Variants in MAGIX observed in about 807,000 individuals in gnomAD.
The protein encoded by MAGIX is PDZ domain-containing protein MAGIX.
In MAGIX, 13 loss-of-function variants were observed where a neutral mutation model predicts 10.0. That is an observed-to-expected ratio of 1.30 (90% CI 0.84 to 2.06). The LOEUF (loss-of-function observed/expected upper bound fraction) is 2.06, where lower values mean the gene tolerates loss of function less well. Among genes scored for constraint, MAGIX ranks in the 30% most tolerant of loss-of-function variants. The probability of loss-of-function intolerance (pLI) is 0.00; values close to 1 mark genes in which losing one functional copy is unlikely to be tolerated. For synonymous variants in MAGIX, 108 were observed against 106.8 expected (o/e 1.01, Z -0.07); for missense variants, 235 against 245.2 (o/e 0.96, Z 0.28).
In MAGIX at chrX:49,164,482, C is replaced by T. The variant is rs782815645; in HGVS notation, c.-54-225C>T. ...TGGAAGATTATTCACATGGCTGAGC[C>T]CAGGATTGTTTATTAAGAAGGTGGG... is the stretch of plus-strand genomic sequence containing the variant. On this transcript the variant is annotated intron_variant, in intron 2 of 4. Transcript: ENST00000616266. The T allele has an allele frequency of 1.1e-4, 53 of 472,702 alleles. No individual in the cohort carries two copies. The South Asian group carries it at 1.5e-3, about 14-fold the overall frequency. The allele number at this position is 472,702 out of a possible 1,213,427, so 39.0% of individuals were successfully genotyped here.
In MAGIX at chrX:49,164,846, T is replaced by G. The variant is rs1473935203; in HGVS notation, c.86T>G (p.Leu29Arg). Reference sequence around the variant, plus strand: ...TGCCTCAGGGCAAACTATGTACACCTGTGTCCTTTATTCCAGCACCGTTGG... The same window carrying G: ...TGCCTCAGGGCAAACTATGTACACCGGTGTCCTTTATTCCAGCACCGTTGG... Residue 29 changes from leucine (L) to arginine (R), a missense_variant, in exon 3 of 5, where the codon CTG becomes CGG. By Grantham distance (102) the Leu-to-Arg change is moderately radical. Coordinates refer to ENST00000616266, the Ensembl canonical transcript of MAGIX. The G allele has an allele frequency of 8.3e-7, 1 of 1,211,158 alleles. No homozygotes were observed. The highest frequency in any genetic ancestry group is 1.1e-6 in the Non-Finnish European group (1 of 894,453).
exon 3 of MAGIX, chrX:49,165,082 C>T: frequency 8.3e-7 from 1 of 1,204,240 alleles, no homozygotes; most frequent in Non-Finnish European, 1.1e-6. Context: ...GCGCTGTGGT[C>T]GTTTGGAGGT....
intron 4 of MAGIX, 185 bp from the exon 6 acceptor site, chrX:49,165,889 G>C (rs2065362635): frequency 2.3e-6 from 1 of 441,509 alleles, no homozygotes; most frequent in African/African-American, 2.5e-5. Flanking sequence ...GGATCCAGGA[G>C]GGGAGGGGTC....
exon 4 of MAGIX, chrX:49,165,296 TTCG>T: frequency 5.1e-6 from 6 of 1,182,426 alleles, no homozygotes; most frequent in Non-Finnish European, 6.8e-6. Context: ...CACCTGGTTA[TTCG>T]TCGGCCTCTG....
intron 2 of MAGIX, 87 bp downstream of exon 2, chrX:49,164,016 C>T (rs1304831168): frequency 1.1e-6 from 1 of 910,173 alleles, no homozygotes; most frequent in Non-Finnish European, 1.4e-6. Flanking sequence ...TCAGCAGCTA[C>T]TGCCCTGTCT....
Position 49,165,299 on chromosome X carries a change from G to A in MAGIX, c.440G>A (p.Arg147His), listed in dbSNP as rs782441419. Residue 147 changes from arginine to histidine, a missense_variant, in exon 4 of 5, where the codon CGT (arginine) becomes CAT (histidine). Physicochemically the swap from Arg to His is conservative, Grantham distance 29. Coordinates refer to ENST00000616266, the Ensembl canonical transcript of MAGIX. ...GGCCCCCAGCTCCACCTGGTTATTC[G>A]TCGGCCTCTGGAGACCCACCCTGGC... 7.6e-5 allele frequency: 90 copies of A among 1,180,843 alleles called. No homozygotes were observed. The highest frequency in any genetic ancestry group is 2.8e-4 in the East Asian group (9 of 31,984).
chrX:49,164,769 A>G, exon 3 of MAGIX: 3 of 1,211,498 alleles, frequency 2.5e-6, no homozygotes, highest in Non-Finnish European at 3.4e-6. Flanking sequence ...TCATGCCACT[A>G]TTGTGGATCA....
rs2065368566 is a variant in MAGIX at position 49,166,379 on chromosome X, G to C, written c.808G>C (p.Ala270Pro). The stretch of plus-strand genomic sequence containing the variant: ...AGCGCAGCTCGCTCAGGAGATGGCA[G>C]CCGGAAGGCGGAGACACTGAGCCTA... Residue 270 changes from alanine to proline, a missense_variant, in exon 5 of 5, where the codon GCC (alanine) becomes CCC (proline). Coordinates refer to ENST00000616266, the Ensembl canonical transcript of MAGIX. The C allele has an allele frequency of 2.6e-6, 3 of 1,140,686 alleles. No homozygotes were observed. The African/African-American group carries it at 5.4e-5, about 21-fold the overall frequency. The allele number at this position is 1,140,686 out of a possible 1,213,427, so 94.0% of individuals were successfully genotyped here. A position where few individuals can be genotyped will look rare whatever the true frequency, so the allele number is the denominator to read the frequency against.
chrX:49,163,875 G>A (rs2065346793), exon 2 of MAGIX: 2 of 1,034,939 alleles, frequency 1.9e-6, no homozygotes, highest in South Asian at 3.0e-5. Flanking sequence ...TGCGGTCGAC[G>A]TGGCAGCGCT....
At chrX:49,168,066 T>A (rs782297296) in exon 5 of MAGIX, 28 of 112,069 alleles carry the variant, frequency 2.5e-4, no homozygotes, top group African/African-American at 8.7e-4. Flanking sequence ...TGTTGCACTG[T>A]GCTAGGTACT....
At chrX:49,168,423 G>T (rs1307394016) in exon 5 of MAGIX, 1 of 87,211 alleles carries the variant, frequency 1.1e-5, no homozygotes, top group Non-Finnish European at 2.1e-5. Flanking sequence ...AGCCAAGATC[G>T]CACCACTGCA....
chrX:49,165,980 G>T lies in MAGIX; in HGVS notation c.503-94G>T. 3 of 881,467 alleles carry T rather than the reference G, an allele frequency of 3.4e-6. No homozygotes were observed. In the South Asian group the frequency reaches 7.0e-5, roughly 21 times the overall value. The allele number at this position is 881,467 out of a possible 1,213,427, so 72.6% of individuals were successfully genotyped here. A position where few individuals can be genotyped will look rare whatever the true frequency, so the allele number is the denominator to read the frequency against. On this transcript the variant is annotated intron_variant, in intron 4 of 4. Coordinates refer to ENST00000616266, the Ensembl canonical transcript of MAGIX. ...AGGGGAGATTTCTCTAAGGGTCAGG[G>T]TCTCATCTCCCGCAGCCTTTGGGTT...
At position 49,165,001 on chromosome X, in the gene MAGIX, G is replaced by T. The variant is rs372732826; in HGVS notation, c.241G>T (p.Gly81Cys). ...TTACGCAGGCTTTGGCCTCACCTTA[G>T]GTGGGGGCCGGGATGTAGCTGGGGA... The change falls in exon 3 of 5, where the codon GGT becomes TGT. Residue 81 changes from glycine (G) to cysteine (C), a missense_variant. Coordinates refer to ENST00000616266, the Ensembl canonical transcript of MAGIX. The T allele has an allele frequency of 1.4e-5, 17 of 1,210,484 alleles. No individual in the cohort carries two copies. The highest frequency in any genetic ancestry group is 1.8e-5 in the Non-Finnish European group (16 of 895,283).
exon 2 of MAGIX, chrX:49,163,831 C>T (rs1557096814): frequency 9.6e-7 from 1 of 1,039,032 alleles, no homozygotes; most frequent in Non-Finnish European, 1.2e-6. Flanking sequence ...CAGCTCCTGG[C>T]GCGGTTGGAC....
exon 5 of MAGIX, chrX:49,166,123 G>C: frequency 8.3e-7 from 1 of 1,211,910 alleles, no homozygotes; most frequent in Non-Finnish European, 1.1e-6. Flanking sequence ...CGGAGGTAAC[G>C]GGGTCTCGCA....
Position 49,165,734 on chromosome X carries a change from G to A in MAGIX, c.503-340G>A, listed in dbSNP as rs2065361789. 1.2e-5 allele frequency: 4 copies of A among 328,529 alleles called. No individual in the cohort carries two copies. In the South Asian group the frequency reaches 3.0e-4, roughly 24 times the overall value. 27.1% of individuals were successfully genotyped at this position (328,529 alleles called of 1,213,427 possible). A position where few individuals can be genotyped will look rare whatever the true frequency, so the allele number is the denominator to read the frequency against. ...AAATGGGATGGGGATCCAGAGGGTA[G>A]GGGGTCTAGTTCTGAAAAACAAAGG... On this transcript the variant is annotated intron_variant, in intron 4 of 4. Coordinates refer to ENST00000616266, the Ensembl canonical transcript of MAGIX.
At chrX:49,162,897 C>G in intron 1 of MAGIX, 2 of 899,181 alleles carry the variant, frequency 2.2e-6, no homozygotes, top group Non-Finnish European at 3.0e-6. Context: ...GCCATGGAGC[C>G]GCGCACAGGG....
chrX:49,166,610 G>T (rs1324005052), exon 5 of MAGIX: 1 of 407,217 alleles, frequency 2.5e-6, no homozygotes, highest in East Asian at 4.0e-5. Context: ...GGGAGGGGGA[G>T]GTAATAAAAT....
chrX:49,165,708 A>G (rs1557097718), intron 4 of MAGIX: 2 of 308,343 alleles, frequency 6.5e-6, no homozygotes, highest in African/African-American at 5.5e-5. Context: ...TAGCCGGGGG[A>G]AAATGGGATG....
Sources: allele counts gnomAD v4.1 joint callset, GRCh38; gene constraint gnomAD v4.1.1; transcripts MANE v1.5; gene names NCBI Gene and HGNC (gene_info 2026-07-23, HGNC 2026-07-21).